Variants in POMGNT1 observed in about 807,000 individuals in gnomAD.
POMGNT1 encodes the protein protein O-linked-mannose beta-1,2-N-acetylglucosaminyltransferase 1.
In POMGNT1, 67 loss-of-function variants were observed where a neutral mutation model predicts 95.6. The observed-to-expected ratio is 0.70, with a 90% CI of 0.58 to 0.86. The LOEUF (loss-of-function observed/expected upper bound fraction) is 0.86. Among genes scored for constraint, POMGNT1 ranks in the 40% least tolerant of loss-of-function variants. The probability of loss-of-function intolerance (pLI) is 0.00; values close to 1 mark genes in which losing one functional copy is unlikely to be tolerated. For missense variants in POMGNT1, 719 were observed against 855.2 expected (o/e 0.84, Z 1.99); for synonymous variants, 298 against 317.9 (o/e 0.94, Z 0.66).
At chr1:46,209,889 C>A (rs2148242312) in intron 1 of POMGNT1, among the ~76,000 whole-genome samples, 2 of 152,232 alleles carry the variant, frequency 1.3e-5, no homozygotes, top group Middle Eastern at 6.8e-3. Flanking sequence ...GAGGGGAAAA[C>A]AGCAGGACAA....
chr1:46,193,794 G>C (rs1019506484), intron 10 of POMGNT1, 61 bp downstream of exon 10: 2 of 1,607,990 alleles, frequency 1.2e-6, no homozygotes, highest in African/African-American at 2.7e-5. Flanking sequence ...GTTCCTCCTG[G>C]AGGTAGATGA....
In POMGNT1 at chr1:46,196,979, G is replaced by T. The variant is rs972657462; in HGVS notation, c.226C>A (p.Gln76Lys). ...SEANEDPEPE[Q>K]DYDEALGRLE... The stretch of plus-strand genomic sequence containing the variant: ...CTTAGCCTAGCCCTACCATAGTCTT[G>T]CTCTGGCTCTGGGTCTTCATTGGCT... The change falls in exon 3 of 22, where the codon CAA becomes AAA. Residue 76 changes from glutamine to lysine, a missense_variant. Gln to Lys is a moderately conservative substitution (Grantham distance 53). Transcript: ENST00000371984. This position sits in a 1 kb window ranked among gnomAD's most constrained non-coding sequence, Gnocchi z 4.4. 4 of 1,614,224 alleles carry T rather than the reference G, an allele frequency of 2.5e-6. No individual in the cohort carries two copies. Among genetic ancestry groups the T allele is most frequent in the Middle Eastern group, 1.6e-4 (1 of 6,062 alleles).
At chr1:46,203,916 G>A (rs1277131108) in intron 1 of POMGNT1, among the ~76,000 whole-genome samples, 1 of 152,046 alleles carries the variant, frequency 6.6e-6, no homozygotes, top group East Asian at 1.9e-4. Flanking sequence ...TGAGGACTGG[G>A]AAGTACTGAG....
At chr1:46,213,203 T>C (rs1658957965) in intron 1 of POMGNT1, among the ~76,000 whole-genome samples, 1 of 151,528 alleles carries the variant, frequency 6.6e-6, no homozygotes, top group Admixed American at 6.6e-5. Context: ...AAACATACGA[T>C]GTTTCGATGA....
chr1:46,199,212 G>A (rs1400149793), upstream of POMGNT1, among the ~76,000 whole-genome samples: 2 of 152,224 alleles, frequency 1.3e-5, no homozygotes, highest in Admixed American at 6.5e-5. Flanking sequence ...AAAGTGCTGG[G>A]ATTATGGGCA....
intron 1 of POMGNT1, among the ~76,000 whole-genome samples, chr1:46,218,634 G>A (rs570929396): frequency 8.5e-4 from 129 of 152,322 alleles, no homozygotes; most frequent in African/African-American, 2.9e-3. Context: ...TGCCTATAAA[G>A]GCTCTTGAGC....
Position 46,193,379 on chromosome 1 carries a change from C to T in POMGNT1, c.1036G>A (p.Asp346Asn), listed in dbSNP as rs754255569. The T allele has an allele frequency of 6.2e-7, 1 of 1,612,636 alleles. No individual in the cohort carries two copies. Among genetic ancestry groups the T allele is most frequent in the Non-Finnish European group, 8.5e-7 (1 of 1,179,360 alleles). ...CTCAGACCAAACAGTGCCACCACAT[C>T]CATGGGTTCCTGGGGGACATGGCCA... ...FIDGYYEEPM[D>N]VVALFGLRGI... is the part of the protein sequence containing the mutation. Residue 346 changes from aspartate to asparagine, a missense_variant, in exon 12 of 22, where the codon GAT (aspartate) becomes AAT (asparagine). This residue lies in a region of POMGNT1 where 466 missense variants were observed against 517.4 expected (regional missense o/e 0.90). Coordinates refer to ENST00000371984, the MANE Select transcript of POMGNT1 (RefSeq NM_017739.4).
intron 1 of POMGNT1, among the ~76,000 whole-genome samples, chr1:46,204,828 A>G (rs1332603606): frequency 6.6e-6 from 1 of 152,212 alleles, no homozygotes; most frequent in Non-Finnish European, 1.5e-5. Flanking sequence ...AAGGCCTAGT[A>G]AGAGCCTATC....
In POMGNT1 at chr1:46,192,219, C is replaced by T. The variant is rs1280404506; in HGVS notation, c.1418G>A (p.Trp473Ter). The change falls in exon 17 of 22, where the codon TGG becomes TAG. Residue 473 changes from tryptophan (W) to a stop codon, truncating the protein, a stop_gained. Coordinates refer to ENST00000371984, the MANE Select transcript of POMGNT1 (RefSeq NM_017739.4). LOFTEE classifies it high-confidence loss of function. The stretch of plus-strand genomic sequence containing the variant: ...CATCCGCATCCACATGTCCCAATCC[C>T]AGAGCTGGCAGACATGGACCACGAT... The part of the protein sequence containing the change: ...EPKWPTPEKL[W>*]DWDMWMRMPE... The T allele has an allele frequency of 6.2e-7, 1 of 1,614,222 alleles. No homozygotes were observed.
chr1:46,208,185 G>T (rs886446111), intron 1 of POMGNT1, among the ~76,000 whole-genome samples: 2 of 152,084 alleles, frequency 1.3e-5, no homozygotes, highest in South Asian at 4.2e-4. Context: ...TAGAGACAGG[G>T]TCTTGCTATG....
Position 46,192,291 on chromosome 1 carries a change from C to T in POMGNT1, c.1413+17G>A, listed in dbSNP as rs1164681355. ...TGGTAGGGGACTCCAGCCCCCTCAC[C>T]CTACCCTGACAGTTACCTTTTCCGG... On this transcript the variant is annotated intron_variant, in intron 16 of 21. Transcript: ENST00000371984. 48 of 1,614,150 alleles carry T rather than the reference C, an allele frequency of 3.0e-5. No individual in the cohort carries two copies. Among genetic ancestry groups the T allele is most frequent in the Non-Finnish European group, 4.1e-5 (48 of 1,180,028 alleles).
chr1:46,196,532 C>T lies in POMGNT1; in HGVS notation c.354+199G>A, dbSNP rs1658251601. On this transcript the variant is annotated intron_variant, in intron 4 of 21. Coordinates refer to ENST00000371984, the MANE Select transcript of POMGNT1 (RefSeq NM_017739.4). The surrounding 1 kb of genome is among the most constrained non-coding windows in gnomAD (Gnocchi z 4.4). Reference sequence around the variant, plus strand: ...TTTTGAGATCCCACTACATACAAGACACTTCACAAACTTTTCATTGAATCC... The same window carrying T: ...TTTTGAGATCCCACTACATACAAGATACTTCACAAACTTTTCATTGAATCC... Among the ~76,000 whole-genome samples the T allele has an allele frequency of 1.3e-5, 2 of 152,234 alleles. No homozygotes were observed. The highest frequency in any genetic ancestry group is 4.1e-4 in the South Asian group (2 of 4,830).
intron 17 of POMGNT1, chr1:46,191,290 T>C: frequency 4.5e-6 from 1 of 220,976 alleles, no homozygotes; most frequent in East Asian, 1.1e-4. Flanking sequence ...TGGACGCTAT[T>C]CATTCCTTTG....
Position 46,189,098 on chromosome 1 carries a change from C to A in POMGNT1, c.*172G>T. The A allele has an allele frequency of 6.7e-7, 1 of 1,501,602 alleles. No individual in the cohort carries two copies. Among genetic ancestry groups the A allele is most frequent in the Admixed American group, 2.4e-5 (1 of 42,546 alleles). 93.0% of individuals were successfully genotyped at this position (1,501,602 alleles called of 1,614,324 possible). On this transcript the variant is annotated 3_prime_UTR_variant, in exon 22 of 22. Coordinates refer to ENST00000371984, the MANE Select transcript of POMGNT1 (RefSeq NM_017739.4). ...AATAAATAGACTTTTAACTCAGGAACGGGGTGTTGGAGCAGGGGAACCCTC... is the reference window on the plus strand; with the variant it reads ...AATAAATAGACTTTTAACTCAGGAAAGGGGTGTTGGAGCAGGGGAACCCTC...
intron 1 of POMGNT1, among the ~76,000 whole-genome samples, chr1:46,204,990 G>T (rs1571681050): frequency 6.6e-6 from 1 of 152,140 alleles, no homozygotes; most frequent in South Asian, 2.1e-4. Context: ...GGGCATGGTG[G>T]CTCACGCCTG....
At chr1:46,219,616 G>A in intron 1 of POMGNT1, 1 of 1,421,124 alleles carries the variant, frequency 7.0e-7, no homozygotes, top group Non-Finnish European at 9.4e-7. Context: ...ATGGTTGGCT[G>A]AACCACAAGG....
At position 46,189,560 on chromosome 1, in the gene POMGNT1, T is replaced by G. The variant is rs1657583670; in HGVS notation, c.1793A>C (p.His598Pro). The change falls in exon 21 of 22, where the codon CAT becomes CCT. Residue 598 changes from histidine (H) to proline (P), a missense_variant. His to Pro is a moderately conservative substitution (Grantham distance 77, BLOSUM62 -2). Around this residue, in one of 5 missense-constraint regions of POMGNT1, gnomAD observed 130 missense variants for 149.2 expected, o/e 0.87. Transcript: ENST00000371984. ...TTWTQLAKCL[H>P]IWDLDVRGNH... is the part of the protein sequence containing the mutation. ...GCCACGCACATCCAGGTCCCAGATA[T>G]GGAGGCACTAGTGAGGGTGGGATGG... 1.2e-6 allele frequency: 2 copies of G among 1,611,278 alleles called. No homozygotes were observed. Among genetic ancestry groups the G allele is most frequent in the African/African-American group, 2.7e-5 (2 of 74,942 alleles).
At chr1:46,210,264 C>CTG (rs558204802) in intron 1 of POMGNT1, among the ~76,000 whole-genome samples, 99 of 152,120 alleles carry the variant, frequency 6.5e-4, no homozygotes, top group African/African-American at 2.2e-3. Flanking sequence ...AAACCCTAAA[C>CTG]TGTGTGTGTG....
At chr1:46,192,877 T>A in intron 14 of POMGNT1, 23 bp downstream of exon 14, 1 of 1,614,062 alleles carries the variant, frequency 6.2e-7, no homozygotes, top group Non-Finnish European at 8.5e-7. Context: ...GGACCTCAAC[T>A]GAAACCTAGA....
Sources: gnomAD v4.1 joint callset for allele counts (sites outside exome capture counted in the v4.1 genomes callset) on GRCh38, gnomAD v4.1.1 for gene constraint, gnomAD v4.1.1 regional missense constraint, Gnocchi (gnomAD v3.1) non-coding constraint, MANE v1.5 for transcripts, NCBI Gene and HGNC (gene_info 2026-07-23, HGNC 2026-07-21) for gene names.